RHOBTB3: variants seen among roughly 807,000 people sequenced by gnomAD.
RHOBTB3 encodes rho-related BTB domain-containing protein 3.
RHOBTB3 carries 47 observed loss-of-function variants against 67.2 expected under a neutral mutation model. The observed-to-expected ratio is 0.70, with a 90% CI of 0.55 to 0.89. RHOBTB3 has a LOEUF of 0.89. Among genes scored for constraint, RHOBTB3 ranks in the 40% least tolerant of loss-of-function variants. RHOBTB3 has a pLI of 0.00. For synonymous variants in RHOBTB3, 273 were observed against 274.2 expected (o/e 1.00, Z 0.04); for missense variants, 631 against 750.0 (o/e 0.84, Z 1.85).
intron 10 of RHOBTB3, among the ~76,000 whole-genome samples, chr5:95,787,441 A>C (rs956539056): frequency 7.6e-6 from 1 of 131,518 alleles, no homozygotes; most frequent in African/African-American, 3.2e-5. Context: ...ATACTCTCAC[A>C]CTATACAGCT....
At chr5:95,769,941 C>A in intron 8 of RHOBTB3, 1 of 416,282 alleles carries the variant, frequency 2.4e-6, no homozygotes, top group South Asian at 1.9e-5. Context: ...AGTAAAAGCT[C>A]CAGGTTTGTT....
intron 1 of RHOBTB3, 62 bp from the exon 2 acceptor site, chr5:95,731,797 C>T (rs1425121553): frequency 6.2e-7 from 1 of 1,601,832 alleles, no homozygotes; most frequent in Non-Finnish European, 8.5e-7. Flanking sequence ...CTTCCTGTTC[C>T]GAGGAGAGAC....
intron 3 of RHOBTB3, among the ~76,000 whole-genome samples, chr5:95,745,184 C>T (rs985036034): frequency 3.3e-5 from 5 of 152,108 alleles, no homozygotes; most frequent in African/African-American, 1.2e-4. Flanking sequence ...GATCCTCCCA[C>T]CTCAGCCTTC....
At chr5:95,775,927 G>A (rs1171910791) in intron 8 of RHOBTB3, among the ~76,000 whole-genome samples, 2 of 151,988 alleles carry the variant, frequency 1.3e-5, no homozygotes, top group Admixed American at 6.6e-5. Context: ...AAGTTACAGT[G>A]AAGTCTTAAG....
At chr5:95,720,842 T>C (rs2112745705) in intron 1 of RHOBTB3, among the ~76,000 whole-genome samples, 1 of 152,366 alleles carries the variant, frequency 6.6e-6, no homozygotes, top group East Asian at 1.9e-4. Flanking sequence ...ATTATTCTTT[T>C]GTTTCTGTTC....
upstream of RHOBTB3, chr5:95,731,123 T>C: frequency 9.5e-7 from 1 of 1,049,182 alleles, no homozygotes; most frequent in Non-Finnish European, 1.2e-6. Context: ...GTTGTATTTA[T>C]TAATTTATAT....
At chr5:95,750,550 A>T (rs77378767) in intron 4 of RHOBTB3, among the ~76,000 whole-genome samples, 1 of 152,396 alleles carries the variant, frequency 6.6e-6, no homozygotes, top group East Asian at 1.9e-4. Flanking sequence ...CATATATTAC[A>T]GAACATTTCC....
intron 8 of RHOBTB3, among the ~76,000 whole-genome samples, chr5:95,779,833 C>T (rs1745997678): frequency 6.6e-6 from 1 of 152,078 alleles, no homozygotes; most frequent in South Asian, 2.1e-4. Context: ...GGAAGCATGG[C>T]CAAGATGGTT....
chr5:95,753,743 C>T (rs947045627), intron 5 of RHOBTB3, among the ~76,000 whole-genome samples: 1 of 152,086 alleles, frequency 6.6e-6, no homozygotes, highest in African/African-American at 2.4e-5. Context: ...GTTCTTAGTT[C>T]TTATTAATCA....
chr5:95,760,730 A>G (rs1388464601), intron 6 of RHOBTB3, among the ~76,000 whole-genome samples: 5 of 152,234 alleles, frequency 3.3e-5, no homozygotes, highest in Admixed American at 3.3e-4. Flanking sequence ...ATCAATCAGT[A>G]AAGTTATGCA....
At chr5:95,785,358 G>C (rs956114247) in intron 10 of RHOBTB3, among the ~76,000 whole-genome samples, 1 of 152,206 alleles carries the variant, frequency 6.6e-6, no homozygotes, top group Non-Finnish European at 1.5e-5. Context: ...TTGGGAGGCC[G>C]AGGCTGGCGG....
intron 2 of RHOBTB3, among the ~76,000 whole-genome samples, chr5:95,736,075 C>T (rs886596817): frequency 1.2e-4 from 18 of 152,094 alleles, no homozygotes; most frequent in African/African-American, 4.1e-4. Flanking sequence ...GGACTCCATG[C>T]TGGTCGACAG....
intron 2 of RHOBTB3, among the ~76,000 whole-genome samples, chr5:95,733,358 T>TA (rs986178533): frequency 6.6e-6 from 1 of 152,050 alleles, no homozygotes; most frequent in Non-Finnish European, 1.5e-5. Context: ...TCTTACAGCC[T>TA]AAAAACATGA....
intron 2 of RHOBTB3, among the ~76,000 whole-genome samples, chr5:95,735,493 A>G (rs769541714): frequency 6.6e-6 from 1 of 152,180 alleles, no homozygotes; most frequent in Non-Finnish European, 1.5e-5. Flanking sequence ...ATCGTAGGAT[A>G]AAAGCTCTGT....
At chr5:95,732,118 A>G (rs917089187) in intron 2 of RHOBTB3, 34 bp downstream of exon 2, 7 of 1,597,548 alleles carry the variant, frequency 4.4e-6, no homozygotes, top group Admixed American at 1.7e-5. Flanking sequence ...GCTGAGGCTG[A>G]AGAAGCTTTT....
intron 7 of RHOBTB3, 174 bp from the exon 8 acceptor site, chr5:95,767,872 G>A (rs769822214): frequency 2.8e-6 from 2 of 722,640 alleles, no homozygotes; most frequent in Admixed American, 4.0e-5. Context: ...CTGACAGGCA[G>A]CCCATACAGT....
Position 95,794,245 on chromosome 5 carries a change from G to A in RHOBTB3, c.*1071G>A, listed in dbSNP as rs1384147575. ...GATCATTCTGTAAGACCAGGAGGTT[G>A]GTAAGAGTGACTAACCAGCCTAACT... On this transcript the variant is annotated 3_prime_UTR_variant, in exon 12 of 12. Transcript: ENST00000379982. 8 of 263,794 alleles carry A rather than the reference G, an allele frequency of 3.0e-5. No individual in the cohort carries two copies. The highest frequency in any genetic ancestry group is 2.7e-4 in the South Asian group (7 of 26,316). The allele number at this position is 263,794 out of a possible 1,614,324, so 16.3% of individuals were successfully genotyped here.
At chr5:95,779,744 A>G (rs902156366) in intron 8 of RHOBTB3, among the ~76,000 whole-genome samples, 2 of 152,166 alleles carry the variant, frequency 1.3e-5, no homozygotes, top group Non-Finnish European at 2.9e-5. Context: ...TGGCTCCACA[A>G]GAGATCCTCT....
At position 95,747,033 on chromosome 5, in the gene RHOBTB3, G is replaced by A. The variant is rs577371453; in HGVS notation, c.416-1300G>A. Reference sequence around the variant, plus strand: ...GCTCAAATGTCCTTTCAGGGCCAGTGTACTTACTCCCTCAGTTATTGGGGC... The same window carrying A: ...GCTCAAATGTCCTTTCAGGGCCAGTATACTTACTCCCTCAGTTATTGGGGC... On this transcript the variant is annotated intron_variant, in intron 3 of 11. Coordinates refer to ENST00000379982, the MANE Select transcript of RHOBTB3 (RefSeq NM_014899.4). 7.7e-4 allele frequency among the ~76,000 whole-genome samples: 118 copies of A among 152,304 alleles called. 1 individual carries two copies. Among genetic ancestry groups the A allele is most frequent in the African/African-American group, 2.8e-3 (116 of 41,552 alleles).
Sources: gnomAD v4.1 joint callset for allele counts (sites outside exome capture counted in the v4.1 genomes callset) on GRCh38, gnomAD v4.1.1 for gene constraint, MANE v1.5 for transcripts, NCBI Gene and HGNC (gene_info 2026-07-23, HGNC 2026-07-21) for gene names.